The following CSMD3 variants were observed in gnomAD, a reference collection of about 807,000 sequenced individuals.
CSMD3 encodes CUB and Sushi multiple domains 3, also known as CUB and sushi domain-containing protein 3.
CSMD3 carries 177 observed loss-of-function variants against 435.2 expected under a neutral mutation model. That is an observed-to-expected ratio of 0.41 (90% CI 0.36 to 0.46). CSMD3 has a LOEUF of 0.46. Ranked by LOEUF, CSMD3 falls within the 20% of genes least tolerant of loss-of-function variation. The pLI, the probability that CSMD3 is intolerant of heterozygous loss-of-function variation, is 0.34. For synonymous variants in CSMD3, 1,656 were observed against 1,520.5 expected, an observed-to-expected ratio of 1.09 and a Z score of -2.07; for missense variants, 4,265 against 4,504.6, an observed-to-expected ratio of 0.95 and a Z score of 1.52.
intron 10 of CSMD3, among the ~76,000 whole-genome samples, chr8:112,899,599 T>TTATATATATATATATATATATATATA (rs71309794): frequency 2.0e-4 from 20 of 100,002 alleles, no homozygotes; most frequent in South Asian, 3.5e-4. Flanking sequence ...CTTGTCTATT[T>TTATATATATATATATATATATATATA]TATATATATA....
rs2131546883 is a variant in CSMD3, at chr8:113,098,858, A to T, written c.815T>A (p.Val272Glu). 2 of 1,612,254 alleles carry T rather than the reference A, an allele frequency of 1.2e-6. No individual in the cohort carries two copies. The highest frequency in any genetic ancestry group is 1.7e-6 in the Non-Finnish European group (2 of 1,178,520). The stretch of plus-strand genomic sequence containing the variant: ...TGAAATTGTGTCCCCAGGCTCTGCT[A>T]CAATGGTCCAAGTGCAATCAGCATT... ...HNNADCTWTI[V>E]AEPGDTISLI... The change falls in exon 5 of 71, where the codon GTA (valine) becomes GAA (glutamate). Residue 272 changes from valine (V) to glutamate (E), a missense_variant. Transcript: ENST00000297405.
At chr8:113,258,781 G>A (rs868235272) in intron 3 of CSMD3, among the ~76,000 whole-genome samples, 5 of 152,130 alleles carry the variant, frequency 3.3e-5, no homozygotes, top group Admixed American at 2.6e-4. Flanking sequence ...AAAAAGGCAA[G>A]AGAGAAAGCT....
chr8:113,339,176 T>C (rs1186367570), intron 1 of CSMD3, among the ~76,000 whole-genome samples: 2 of 151,994 alleles, frequency 1.3e-5, no homozygotes, highest in Non-Finnish European at 2.9e-5. Flanking sequence ...ATTTTAAACA[T>C]AATGAATACT....
intron 8 of CSMD3, among the ~76,000 whole-genome samples, chr8:112,952,906 C>T (rs2083876972): frequency 1.3e-5 from 2 of 151,244 alleles, no homozygotes; most frequent in East Asian, 3.9e-4. Flanking sequence ...TGTCTAAATT[C>T]CCTTTTTGTT....
At chr8:112,446,426 A>C (rs1815614084) in intron 32 of CSMD3, among the ~76,000 whole-genome samples, 1 of 152,244 alleles carries the variant, frequency 6.6e-6, no homozygotes, top group African/African-American at 2.4e-5. Flanking sequence ...AATGCACATA[A>C]GAATTTTTAC....
intron 24 of CSMD3, among the ~76,000 whole-genome samples, chr8:112,564,816 T>C (rs527694057): frequency 6.6e-6 from 1 of 152,240 alleles, no homozygotes; most frequent in East Asian, 1.9e-4. Flanking sequence ...TGCTACTGAT[T>C]ATTGATGAAT....
intron 9 of CSMD3, among the ~76,000 whole-genome samples, chr8:112,942,497 T>C (rs1338681883): frequency 1.3e-5 from 2 of 151,472 alleles, no homozygotes; most frequent in African/African-American, 4.8e-5. Context: ...ATAAAGAAAA[T>C]ATGGTACATA....
intron 59 of CSMD3, 142 bp downstream of exon 59, chr8:112,281,032 C>T: frequency 1.5e-6 from 1 of 682,856 alleles, no homozygotes; most frequent in Non-Finnish European, 2.5e-6. Context: ...ATGGTAACTA[C>T]TATAATCCTT....
Position 112,697,996 on chromosome 8 carries a change from C to T in CSMD3, c.1973-7946G>A, listed in dbSNP as rs546054058. ...AAAGCCTTTTTCTTCCCTTTTCTTTCAAAGTGGAATGGGTAGAGTTAGGTG... is the reference window on the plus strand; with the variant it reads ...AAAGCCTTTTTCTTCCCTTTTCTTTTAAAGTGGAATGGGTAGAGTTAGGTG... On this transcript the variant is annotated intron_variant, in intron 13 of 70. Transcript: ENST00000297405. Among the ~76,000 whole-genome samples, 11 of 152,036 alleles carry T rather than the reference C, an allele frequency of 7.2e-5. No homozygotes were observed. The South Asian group carries it at 2.1e-3, about 29-fold the overall frequency.
At chr8:112,953,297 G>A (rs1164686855) in intron 8 of CSMD3, among the ~76,000 whole-genome samples, 1 of 151,232 alleles carries the variant, frequency 6.6e-6, no homozygotes, top group Admixed American at 6.6e-5. Flanking sequence ...CATCTCACCT[G>A]GTGATTTTTT....
chr8:112,576,201 T>C (rs1188067080), intron 23 of CSMD3, among the ~76,000 whole-genome samples: 2 of 152,144 alleles, frequency 1.3e-5, no homozygotes, highest in Admixed American at 1.3e-4. Flanking sequence ...AAATAAAAAT[T>C]GGATGTTGAA....
intron 32 of CSMD3, among the ~76,000 whole-genome samples, chr8:112,462,541 ATTAT>A (rs1817556700): frequency 6.6e-6 from 1 of 152,202 alleles, no homozygotes; most frequent in Non-Finnish European, 1.5e-5. Flanking sequence ...AATCTAATCG[ATTAT>A]TTGACAGTTA....
chr8:112,402,452 C>G (rs984804627), intron 35 of CSMD3, among the ~76,000 whole-genome samples: 3 of 152,024 alleles, frequency 2.0e-5, no homozygotes, highest in African/African-American at 7.2e-5. Context: ...TTTGAACACT[C>G]TAACTAAAGG....
chr8:112,866,677 T>C (rs2080994246), intron 10 of CSMD3, among the ~76,000 whole-genome samples: 1 of 152,122 alleles, frequency 6.6e-6, no homozygotes, highest in Non-Finnish European at 1.5e-5. Flanking sequence ...GGCTTCTTTG[T>C]TTATTAGCCA....
intron 11 of CSMD3, among the ~76,000 whole-genome samples, chr8:112,857,841 T>A (rs1042904001): frequency 6.6e-6 from 1 of 151,696 alleles, no homozygotes; most frequent in African/African-American, 2.4e-5. Context: ...TCATGTTTTT[T>A]TTTTTCCTCA....
intron 3 of CSMD3, among the ~76,000 whole-genome samples, chr8:113,275,212 T>C (rs1262897975): frequency 1.3e-5 from 2 of 152,126 alleles, no homozygotes; most frequent in African/African-American, 2.4e-5. Flanking sequence ...ATTTTACAGA[T>C]GAAGACAATG....
At chr8:113,146,643 G>T (rs1214558654) in intron 4 of CSMD3, among the ~76,000 whole-genome samples, 1 of 151,556 alleles carries the variant, frequency 6.6e-6, no homozygotes, top group Non-Finnish European at 1.5e-5. Context: ...AAGCCAGAAT[G>T]AACAAATTTG....
At chr8:113,331,502 T>C (rs1313037961) in intron 1 of CSMD3, among the ~76,000 whole-genome samples, 1 of 151,680 alleles carries the variant, frequency 6.6e-6, no homozygotes, top group Non-Finnish European at 1.5e-5. Context: ...CAGACCAATA[T>C]TCCTTATGAA....
chr8:112,725,721 T>A (rs1469124146), intron 13 of CSMD3, among the ~76,000 whole-genome samples: 1 of 151,788 alleles, frequency 6.6e-6, no homozygotes, highest in Non-Finnish European at 1.5e-5. Flanking sequence ...AGAGAAAAAA[T>A]CCGAAGGATT....
Sources: allele counts gnomAD v4.1 joint callset (sites outside exome capture counted in the v4.1 genomes callset), GRCh38; gene constraint gnomAD v4.1.1; transcripts MANE v1.5; gene names NCBI Gene and HGNC (gene_info 2026-07-23, HGNC 2026-07-21).